CEP112: variants seen among roughly 807,000 people sequenced by gnomAD.
CEP112 encodes centrosomal protein of 112 kDa.
In CEP112, 127 loss-of-function variants were observed where a neutral mutation model predicts 153.0. The ratio of observed to expected loss-of-function variants is 0.83; its 90% CI spans 0.72 to 0.96. The LOEUF (loss-of-function observed/expected upper bound fraction) is 0.96. Among genes scored for constraint, CEP112 ranks in the 40% least tolerant of loss-of-function variants. The pLI is 0.00. For missense variants in CEP112, 1,089 were observed against 1,101.2 expected, an observed-to-expected ratio of 0.99 and a Z score of 0.16; for synonymous variants, 358 against 374.4, an observed-to-expected ratio of 0.96 and a Z score of 0.51.
intron 24 of CEP112, among the ~76,000 whole-genome samples, chr17:65,653,089 C>G (rs1160223267): frequency 6.6e-6 from 1 of 152,176 alleles, no homozygotes; most frequent in Non-Finnish European, 1.5e-5. Context: ...TCATCTAGAT[C>G]TAATTACCTC....
chr17:65,790,985 T>C (rs2054561094), intron 21 of CEP112, among the ~76,000 whole-genome samples: 1 of 151,758 alleles, frequency 6.6e-6, no homozygotes, highest in Non-Finnish European at 1.5e-5. Context: ...AAATCAGCAC[T>C]GCAGGCTACC....
At chr17:65,663,848 C>T (rs973323633) in intron 24 of CEP112, among the ~76,000 whole-genome samples, 6 of 152,082 alleles carry the variant, frequency 3.9e-5, no homozygotes, top group African/African-American at 1.4e-4. Flanking sequence ...AGATCGGGAC[C>T]ATCTTGGCTA....
chr17:66,067,071 T>C (rs918821922), intron 9 of CEP112, among the ~76,000 whole-genome samples, 194 bp from the exon 10 acceptor site: 5 of 151,672 alleles, frequency 3.3e-5, no homozygotes, highest in Non-Finnish European at 7.4e-5. Context: ...TAGTATCTCT[T>C]ATCCACAGCT....
At chr17:66,021,211 C>T (rs1960219797) in intron 16 of CEP112, among the ~76,000 whole-genome samples, 1 of 152,126 alleles carries the variant, frequency 6.6e-6, no homozygotes, top group Non-Finnish European at 1.5e-5. Flanking sequence ...ATTCTTGATT[C>T]TAACTCATAT....
rs547675409 is a variant in CEP112, at chr17:66,130,144, G to C, written c.565-321C>G. 4.5e-4 allele frequency among the ~76,000 whole-genome samples: 68 copies of C among 151,978 alleles called. No homozygotes were observed. The Middle Eastern group carries it at 0.017, about 38-fold the overall frequency. ...CAGAGGAAAGGATTAGGTTACAACT[G>C]AACTAGGGTTCTCAGTTCTAAGTAA... On this transcript the variant is annotated intron_variant, in intron 5 of 26. Transcript: ENST00000535342.
At chr17:66,054,031 G>A (rs565180315) in intron 11 of CEP112, 152 bp from the exon 12 acceptor site, 49 of 474,688 alleles carry the variant, frequency 1.0e-4, no homozygotes, top group Admixed American at 8.7e-4. Context: ...AACATTCAAG[G>A]TAAAGATATC....
intron 24 of CEP112, among the ~76,000 whole-genome samples, chr17:65,654,723 G>T (rs982820961): frequency 6.6e-6 from 1 of 152,160 alleles, no homozygotes; most frequent in Admixed American, 6.5e-5. Flanking sequence ...ACACCAAAAA[G>T]AAAACAAAGG....
rs532372368 is a variant in CEP112 at position 66,083,032 on chromosome 17, C to A, written c.769-13031G>T. 2.0e-5 allele frequency among the ~76,000 whole-genome samples: 3 copies of A among 152,214 alleles called. No homozygotes were observed. The East Asian group carries it at 5.8e-4, about 29-fold the overall frequency. ...CTAAATATTTTAAGACTCACTAAAACTTCAACAAAATTAAATACTTTAATA... is the reference window on the plus strand; with the variant it reads ...CTAAATATTTTAAGACTCACTAAAAATTCAACAAAATTAAATACTTTAATA... On this transcript the variant is annotated intron_variant, in intron 8 of 26. Transcript: ENST00000535342.
At chr17:65,715,192 G>A (rs1004344494) in intron 23 of CEP112, among the ~76,000 whole-genome samples, 1 of 152,120 alleles carries the variant, frequency 6.6e-6, no homozygotes, top group African/African-American at 2.4e-5. Context: ...AGGATGGAGG[G>A]GAAATATGCT....
intron 17 of CEP112, among the ~76,000 whole-genome samples, chr17:65,982,581 G>A (rs113991043): frequency 1.3e-5 from 2 of 152,224 alleles, no homozygotes; most frequent in African/African-American, 4.8e-5. Context: ...TCCTTTTGTG[G>A]GCGATAGCTG....
chr17:66,081,700 A>G (rs1177599273), intron 8 of CEP112, among the ~76,000 whole-genome samples: 1 of 152,078 alleles, frequency 6.6e-6, no homozygotes, highest in Admixed American at 6.6e-5. Context: ...GTGGATCACA[A>G]GGTCAGGAGT....
At chr17:65,974,378 A>C (rs1412209792) in intron 17 of CEP112, among the ~76,000 whole-genome samples, 1 of 152,166 alleles carries the variant, frequency 6.6e-6, no homozygotes, top group East Asian at 1.9e-4. Flanking sequence ...TGCCCAGCCC[A>C]AAAGGCATCC....
At chr17:65,963,677 GTGTGTGT>G (rs2062303510) in intron 17 of CEP112, among the ~76,000 whole-genome samples, 1 of 78,360 alleles carries the variant, frequency 1.3e-5, no homozygotes, top group Non-Finnish European at 2.4e-5. Flanking sequence ...AGATAGGGGT[GTGTGTGT>G]GTGTGTGTGT....
Position 65,844,808 on chromosome 17 carries a change from G to A in CEP112, c.2394+6996C>T, listed in dbSNP as rs191781015. Among the ~76,000 whole-genome samples, 21 of 152,174 alleles carry A rather than the reference G, an allele frequency of 1.4e-4. No individual in the cohort carries two copies. In the East Asian group the frequency reaches 2.9e-3, roughly 21 times the overall value. ...AGGTGGGCGGATCACGAGGTCAGGAGATCAAGACCATCCTGGTCAACATGA... is the reference window on the plus strand; with the variant it reads ...AGGTGGGCGGATCACGAGGTCAGGAAATCAAGACCATCCTGGTCAACATGA... On this transcript the variant is annotated intron_variant, in intron 21 of 26. Coordinates refer to ENST00000535342, the MANE Select transcript of CEP112 (RefSeq NM_001199165.4).
At chr17:65,840,395 C>T (rs899870054) in intron 21 of CEP112, among the ~76,000 whole-genome samples, 1 of 152,014 alleles carries the variant, frequency 6.6e-6, no homozygotes, top group African/African-American at 2.4e-5. Context: ...CAAGAACATA[C>T]CTTGGAGAAA....
chr17:65,908,146 G>T (rs1032539940), intron 19 of CEP112, among the ~76,000 whole-genome samples: 1 of 152,140 alleles, frequency 6.6e-6, no homozygotes, highest in Admixed American at 6.5e-5. Flanking sequence ...AAGAGGGAAG[G>T]CTTCAAGTTC....
chr17:66,063,105 G>C (rs369361792), intron 10 of CEP112, 24 bp from the exon 11 acceptor site: 1 of 1,222,620 alleles, frequency 8.2e-7, no homozygotes, highest in Non-Finnish European at 1.1e-6. Flanking sequence ...TGAAAACATA[G>C]TTAAACCAAT....
chr17:66,045,699 A>G (rs75051230), intron 12 of CEP112, among the ~76,000 whole-genome samples: 2 of 152,194 alleles, frequency 1.3e-5, no homozygotes, highest in South Asian at 2.1e-4. Flanking sequence ...GTGTGCTCAT[A>G]TATGTACTTG....
intron 12 of CEP112, among the ~76,000 whole-genome samples, chr17:66,038,110 A>AAAGAAAAAAAAG (rs1555778644): frequency 2.5e-5 from 3 of 120,658 alleles, no homozygotes; most frequent in African/African-American, 6.6e-5. Context: ...CAAAAAAAAA[A>AAAGAAAAAAAAG]AAAAGAAAAG....
Sources: allele counts gnomAD v4.1 joint callset (sites outside exome capture counted in the v4.1 genomes callset), GRCh38; gene constraint gnomAD v4.1.1; transcripts MANE v1.5; gene names NCBI Gene and HGNC (gene_info 2026-07-23, HGNC 2026-07-21).